POR: variants seen among roughly 807,000 people sequenced by gnomAD.
POR encodes the protein NADPH--cytochrome P450 reductase.
Under a neutral mutation model 84.0 loss-of-function variants are expected in POR, and 56 were observed. The observed-to-expected ratio is 0.67, with a 90% CI of 0.54 to 0.83. POR has a LOEUF of 0.83. POR is among the 40% of genes least tolerant of loss of function. The pLI, the probability that POR is intolerant of heterozygous loss-of-function variation, is 0.00. For missense variants in POR, 938 were observed against 944.3 expected, an observed-to-expected ratio of 0.99 and a Z score of 0.09; for synonymous variants, 414 against 400.5, an observed-to-expected ratio of 1.03 and a Z score of -0.40.
At position 75,944,644 on chromosome 7, in the gene POR, A is replaced by T. The variant is rs1426926604; in HGVS notation, c.-4-9345A>T. ...AACCACAAAACTCTCAACTTGAATG[A>T]GAAAAGAGAGTCAACAGACACCAGC... On this transcript the variant is annotated intron_variant, in intron 1 of 15. Coordinates refer to ENST00000461988, the MANE Select transcript of POR (RefSeq NM_000941.3). Among the ~76,000 whole-genome samples the T allele has an allele frequency of 2.0e-5, 3 of 152,208 alleles. No individual in the cohort carries two copies. In the East Asian group the frequency reaches 5.8e-4, roughly 29 times the overall value.
At chr7:75,969,299 G>A (rs782255007) in intron 2 of POR, among the ~76,000 whole-genome samples, 1 of 152,188 alleles carries the variant, frequency 6.6e-6, no homozygotes, top group Non-Finnish European at 1.5e-5. Context: ...AATAGTGTGG[G>A]CACGAGAGGG....
intron 1 of POR, among the ~76,000 whole-genome samples, chr7:75,953,436 A>G (rs898806646): frequency 6.6e-6 from 1 of 152,052 alleles, no homozygotes; most frequent in Non-Finnish European, 1.5e-5. Flanking sequence ...AACTACCTTC[A>G]TAGCCCAAGG....
At chr7:75,973,941 G>C (rs1554556527) in intron 3 of POR, among the ~76,000 whole-genome samples, 1 of 151,772 alleles carries the variant, frequency 6.6e-6, no homozygotes. Context: ...GTCTCCCAAA[G>C]TGCTGGGATT....
At chr7:75,971,433 G>A (rs1022234978) in intron 2 of POR, among the ~76,000 whole-genome samples, 1 of 152,006 alleles carries the variant, frequency 6.6e-6, no homozygotes, top group Non-Finnish European at 1.5e-5. Context: ...AGGGGCACTG[G>A]GCTTGTTCCT....
At chr7:75,982,093 C>A (rs1789083395) in intron 7 of POR, 131 bp from the exon 8 acceptor site, 1 of 702,226 alleles carries the variant, frequency 1.4e-6, no homozygotes, top group South Asian at 1.5e-5. Flanking sequence ...CAGGGGCTCC[C>A]CTGCTTCTTG....
At chr7:75,922,319 GTTTTTTT>G (rs1223302280) in intron 1 of POR, among the ~76,000 whole-genome samples, 10 of 125,658 alleles carry the variant, frequency 8.0e-5, no homozygotes, top group Non-Finnish European at 1.7e-4. Context: ...CTGATCTGTA[GTTTTTTT>G]TTTTTTTTTT....
At chr7:75,943,797 C>G (rs782224744) in intron 1 of POR, 10 of 492,624 alleles carry the variant, frequency 2.0e-5, no homozygotes, top group Admixed American at 1.4e-4. Context: ...TTCTTAAACC[C>G]TCTTGGTGGC....
At chr7:75,936,991 T>A (rs1807725368) in intron 1 of POR, among the ~76,000 whole-genome samples, 2 of 151,312 alleles carry the variant, frequency 1.3e-5, no homozygotes, top group Non-Finnish European at 2.9e-5. Context: ...CACACCCGGC[T>A]AATTTTTTTG....
intron 2 of POR, among the ~76,000 whole-genome samples, chr7:75,972,000 G>A (rs1476744782): frequency 6.6e-6 from 1 of 152,100 alleles, no homozygotes; most frequent in African/African-American, 2.4e-5. Flanking sequence ...GCTGGAGAAG[G>A]AAGAGGTGAA....
chr7:75,932,521 G>A (rs528185687), intron 1 of POR, among the ~76,000 whole-genome samples: 1 of 152,148 alleles, frequency 6.6e-6, no homozygotes, highest in Admixed American at 6.6e-5. Context: ...GGCTTACAAA[G>A]ACTTATGTTG....
At chr7:75,974,234 G>C (rs1554556565) in intron 3 of POR, among the ~76,000 whole-genome samples, 2 of 152,168 alleles carry the variant, frequency 1.3e-5, no homozygotes, top group African/African-American at 4.8e-5. Flanking sequence ...AGCAGTCCCA[G>C]AAGTGGAATT....
At chr7:75,943,759 T>C (rs2116352024) in intron 1 of POR, 2 of 446,912 alleles carry the variant, frequency 4.5e-6, no homozygotes, top group Middle Eastern at 3.6e-4. Flanking sequence ...GTAACGTCTT[T>C]AGATTCATCA....
At chr7:75,947,609 A>C (rs1475364261) in intron 1 of POR, among the ~76,000 whole-genome samples, 1 of 152,100 alleles carries the variant, frequency 6.6e-6, no homozygotes, top group East Asian at 1.9e-4. Context: ...TGTGTGTTTT[A>C]AATCTTTGCG....
At position 75,980,321 on chromosome 7, in the gene POR, C is replaced by G. The variant is rs782272349; in HGVS notation, c.367-18C>G. 45 of 1,610,008 alleles carry G rather than the reference C, an allele frequency of 2.8e-5. No individual in the cohort carries two copies. In the South Asian group the frequency reaches 4.5e-4, roughly 16 times the overall value. On this transcript the variant is annotated intron_variant, in intron 4 of 15. Transcript: ENST00000461988. The stretch of plus-strand genomic sequence containing the variant: ...GCTCAGTCATGGCCGGGGCGCGGTC[C>G]TGTCCCTGTTTCTGCAGGCCGACCT...
At chr7:75,981,026 A>C in intron 5 of POR, 22 bp from the exon 6 acceptor site, 1 of 1,551,692 alleles carries the variant, frequency 6.4e-7, no homozygotes, top group Non-Finnish European at 8.7e-7. Flanking sequence ...CAGGCCTCAG[A>C]GCGGCCCCTG....
intron 1 of POR, among the ~76,000 whole-genome samples, chr7:75,929,796 G>A (rs1336437661): frequency 1.3e-5 from 2 of 152,128 alleles, no homozygotes; most frequent in Non-Finnish European, 2.9e-5. Flanking sequence ...TGAAGCTGTC[G>A]CCCAGAGCAC....
intron 5 of POR, 161 bp from the exon 6 acceptor site, chr7:75,980,887 G>A (rs1788979491): frequency 7.4e-6 from 8 of 1,079,100 alleles, no homozygotes; most frequent in East Asian, 2.6e-5. Context: ...CTCTTCAGTG[G>A]CCCAGTGTTC....
chr7:75,919,003 GT>G (rs36120501), intron 1 of POR, among the ~76,000 whole-genome samples: 194 of 142,048 alleles, frequency 1.4e-3, no homozygotes, highest in Middle Eastern at 7.4e-3. Flanking sequence ...AGTGTTGTGT[GT>G]TTTTTTTTTT....
At chr7:75,941,487 C>T (rs1807977301) in intron 1 of POR, among the ~76,000 whole-genome samples, 1 of 152,176 alleles carries the variant, frequency 6.6e-6, no homozygotes, top group South Asian at 2.1e-4. Flanking sequence ...CAACCAGAGC[C>T]TCCGGCATCT....
Sources: gnomAD v4.1 joint callset for allele counts (sites outside exome capture counted in the v4.1 genomes callset) on GRCh38, gnomAD v4.1.1 for gene constraint, MANE v1.5 for transcripts, NCBI Gene and HGNC (gene_info 2026-07-23, HGNC 2026-07-21) for gene names.